CACNA2D4: variants seen among roughly 807,000 people sequenced by gnomAD.
CACNA2D4 encodes the protein voltage-dependent calcium channel subunit alpha-2/delta-4.
CACNA2D4 carries 157 observed loss-of-function variants against 163.8 expected under a neutral mutation model. The ratio of observed to expected loss-of-function variants is 0.96; its 90% CI spans 0.84 to 1.09. CACNA2D4 has a LOEUF of 1.09. Among genes scored for constraint, CACNA2D4 ranks in the 50% least tolerant of loss-of-function variants. The pLI is 0.00. For missense variants in CACNA2D4, 1,410 were observed against 1,479.9 expected (o/e 0.95, Z 0.78); for synonymous variants, 598 against 586.9 (o/e 1.02, Z -0.27).
At chr12:1,897,729 G>A (rs1866440351) in intron 6 of CACNA2D4, among the ~76,000 whole-genome samples, 1 of 152,180 alleles carries the variant, frequency 6.6e-6, no homozygotes, top group South Asian at 2.1e-4. Context: ...CTAAGCATGA[G>A]CATGCTGGTG....
intron 23 of CACNA2D4, among the ~76,000 whole-genome samples, chr12:1,851,680 T>TGTGTG (rs55736421): frequency 7.5e-5 from 2 of 26,762 alleles, no homozygotes; most frequent in Non-Finnish European, 1.4e-4. Context: ...TGTGTGTGCG[T>TGTGTG]TTTTTTTTTT....
chr12:1,887,264 C>G (rs1450739560), intron 6 of CACNA2D4, among the ~76,000 whole-genome samples, 195 bp from the exon 7 acceptor site: 2 of 152,128 alleles, frequency 1.3e-5, no homozygotes, highest in African/African-American at 4.8e-5. Flanking sequence ...AGCCAAACTG[C>G]CCAGATGCAG....
At chr12:1,812,416 G>A (rs540675731) in intron 26 of CACNA2D4, among the ~76,000 whole-genome samples, 108 of 152,302 alleles carry the variant, frequency 7.1e-4, no homozygotes, top group Non-Finnish European at 1.2e-3. Context: ...ACCCAAGCAG[G>A]TGCTCACATA....
intron 6 of CACNA2D4, among the ~76,000 whole-genome samples, chr12:1,902,789 C>G (rs565750488): frequency 1.8e-4 from 27 of 151,998 alleles, no homozygotes; most frequent in Middle Eastern, 3.4e-3. Flanking sequence ...TCCATACTAC[C>G]CAAAGCAATC....
At chr12:1,810,252 C>G (rs550156732) in intron 29 of CACNA2D4, 26 bp downstream of exon 29, 26 of 1,595,184 alleles carry the variant, frequency 1.6e-5, no homozygotes, top group Middle Eastern at 1.7e-4. Flanking sequence ...CCCTCTCCCC[C>G]TCATTCTATA....
At chr12:1,817,762 A>T (rs1226094510) in intron 26 of CACNA2D4, among the ~76,000 whole-genome samples, 5 of 152,166 alleles carry the variant, frequency 3.3e-5, no homozygotes, top group African/African-American at 4.8e-5. Flanking sequence ...CCGGGATTGC[A>T]GACGGAGTCT....
intron 14 of CACNA2D4, 148 bp downstream of exon 14, chr12:1,879,656 C>G: frequency 1.5e-6 from 1 of 669,334 alleles, no homozygotes; most frequent in South Asian, 1.6e-5. Flanking sequence ...TCTGGGGTAG[C>G]TACTCTGGGA....
intron 18 of CACNA2D4, among the ~76,000 whole-genome samples, chr12:1,860,829 T>G (rs538770587): frequency 3.3e-5 from 5 of 151,982 alleles, no homozygotes; most frequent in African/African-American, 1.2e-4. Context: ...TTACTTTGTA[T>G]AAACTAGGGC....
Position 1,878,430 on chromosome 12 carries a change from T to G in CACNA2D4, c.1645-41A>C. The G allele has an allele frequency of 6.4e-7, 1 of 1,566,894 alleles. No individual in the cohort carries two copies. Among genetic ancestry groups the G allele is most frequent in the Non-Finnish European group, 8.7e-7 (1 of 1,155,742 alleles). On this transcript the variant is annotated intron_variant, in intron 15 of 37. Transcript: ENST00000382722. This position sits in a 1 kb window ranked among gnomAD's most constrained non-coding sequence, Gnocchi z 4.6. ...GTGGAGGCGCATTAGGCCTGCTGTT[T>G]GTGCTGGGCATCTGGAGTTGGGCAG...
intron 26 of CACNA2D4, among the ~76,000 whole-genome samples, chr12:1,838,676 C>T (rs1212755835): frequency 1.3e-5 from 2 of 152,202 alleles, no homozygotes; most frequent in Non-Finnish European, 2.9e-5. Flanking sequence ...TCTAATTCAG[C>T]TCTGAGTTAA....
chr12:1,840,692 C>A lies in CACNA2D4; in HGVS notation c.2551+47G>T, dbSNP rs573156722. 3.5e-5 allele frequency: 53 copies of A among 1,519,944 alleles called. 1 individual carries two copies. In the South Asian group the frequency reaches 5.5e-4, roughly 16 times the overall value. 94.2% of individuals were successfully genotyped at this position (1,519,944 alleles called of 1,614,324 possible). ...GCTGTGATCTATGCCTTGCTCTTTA[C>A]ACTGTCCCCAGCTTCCTGGCCTCAA... On this transcript the variant is annotated intron_variant, in intron 26 of 37. Coordinates refer to ENST00000382722, the MANE Select transcript of CACNA2D4 (RefSeq NM_172364.5).
chr12:1,887,139 A>G (rs888151894), intron 6 of CACNA2D4, 70 bp from the exon 7 acceptor site: 3 of 1,111,796 alleles, frequency 2.7e-6, no homozygotes, highest in Non-Finnish European at 4.0e-6. Flanking sequence ...CTGGGTGTGG[A>G]CCCCCAAGAT....
At chr12:1,821,289 A>G (rs116363036) in intron 26 of CACNA2D4, among the ~76,000 whole-genome samples, 1,542 of 152,108 alleles carry the variant, frequency 0.01, 26 homozygotes, top group African/African-American at 0.035. Flanking sequence ...GGCAGGGAGG[A>G]GGTCCTGGAT....
At position 1,830,953 on chromosome 12, in the gene CACNA2D4, C is replaced by T. The variant is rs1251813564; in HGVS notation, c.2551+9786G>A. The T allele has an allele frequency of 5.6e-6, 9 of 1,610,016 alleles. No homozygotes were observed. Among genetic ancestry groups the T allele is most frequent in the Non-Finnish European group, 6.8e-6 (8 of 1,177,330 alleles). On this transcript the variant is annotated intron_variant, in intron 26 of 37. Coordinates refer to ENST00000382722, the MANE Select transcript of CACNA2D4 (RefSeq NM_172364.5). ...CACCAAGGGATCACCTGCTGGATCG[C>T]CCTGTATGCTGTGGAGGCCCTCCCC...
Position 1,802,015 on chromosome 12 carries a change from C to CTCTG in CACNA2D4, c.2722-372_2722-371insCAGA, listed in dbSNP as rs1863350158. On this transcript the variant is annotated intron_variant, in intron 29 of 37. Coordinates refer to ENST00000382722, the MANE Select transcript of CACNA2D4 (RefSeq NM_172364.5). The surrounding 1 kb of genome is among the most constrained non-coding windows in gnomAD (Gnocchi z 4.7). ...TATGAAACTGGATTTGTTTTATATG[C>CTCTG]TGTGTGTGTGTGTGTGTGTGTGTGT... 6.9e-6 allele frequency among the ~76,000 whole-genome samples: 1 copy of CTCTG among 144,168 alleles called. No homozygotes were observed. 94.6% of individuals were successfully genotyped at this position (144,168 alleles called of 152,430 possible). A position where few individuals can be genotyped will look rare whatever the true frequency, so the allele number is the denominator to read the frequency against.
intron 26 of CACNA2D4, among the ~76,000 whole-genome samples, chr12:1,837,227 C>T (rs1314518175): frequency 2.6e-5 from 4 of 151,992 alleles, no homozygotes; most frequent in African/African-American, 7.2e-5. Flanking sequence ...TGCTGCCGCA[C>T]GGTGGGAGGG....
chr12:1,810,556 C>G lies in CACNA2D4; in HGVS notation c.2645G>C (p.Ser882Thr), dbSNP rs536653523. 1.2e-5 allele frequency: 19 copies of G among 1,553,704 alleles called. No individual in the cohort carries two copies. The East Asian group carries it at 4.6e-4, about 38-fold the overall frequency. The part of the protein sequence containing the change: ...CSTVDGPCTQ[S>T]CEDSDLDCFV... ...GGCAGAACTTACACTGTCCTCGCAGCTCTGTGTGCACGGCCCATCCACAGT... is the reference window on the plus strand; with the variant it reads ...GGCAGAACTTACACTGTCCTCGCAGGTCTGTGTGCACGGCCCATCCACAGT... The change falls in exon 28 of 38, where the codon AGC (serine) becomes ACC (threonine). Residue 882 changes from serine (S) to threonine (T), a missense_variant. Coordinates refer to ENST00000382722, the MANE Select transcript of CACNA2D4 (RefSeq NM_172364.5).
intron 26 of CACNA2D4, among the ~76,000 whole-genome samples, chr12:1,819,418 C>T (rs1864006472): frequency 6.6e-6 from 1 of 152,112 alleles, no homozygotes; most frequent in African/African-American, 2.4e-5. Flanking sequence ...CTTCTAGGGG[C>T]ATCCTGAGTC....
At chr12:1,794,438 G>A (rs1026074627) in intron 37 of CACNA2D4, among the ~76,000 whole-genome samples, 1 of 152,200 alleles carries the variant, frequency 6.6e-6, no homozygotes, top group Non-Finnish European at 1.5e-5. Context: ...ACTATTGAGA[G>A]TTAGCATTAG....
Sources: allele counts gnomAD v4.1 joint callset (sites outside exome capture counted in the v4.1 genomes callset), GRCh38; gene constraint gnomAD v4.1.1; non-coding constraint Gnocchi (gnomAD v3.1); transcripts MANE v1.5; gene names NCBI Gene and HGNC (gene_info 2026-07-23, HGNC 2026-07-21).